Variants in GNB4 observed in about 807,000 individuals in gnomAD.
GNB4 encodes guanine nucleotide-binding protein subunit beta-4.
A neutral mutation model predicts 45.2 loss-of-function variants in GNB4; 28 were observed. The observed-to-expected ratio is 0.62, with a 90% CI of 0.46 to 0.85. GNB4 has a LOEUF of 0.85. Ranked by LOEUF, GNB4 falls within the 40% of genes least tolerant of loss-of-function variation. The pLI is 0.00. For missense variants in GNB4, 321 were observed against 425.4 expected (o/e 0.75, Z 2.16); for synonymous variants, 132 against 143.7 (o/e 0.92, Z 0.58).
intron 2 of GNB4, among the ~76,000 whole-genome samples, chr3:179,421,565 T>C (rs1056510099): frequency 1.3e-5 from 2 of 152,214 alleles, no homozygotes; most frequent in African/African-American, 2.4e-5. Context: ...CTCTTCAATT[T>C]TGTTTTTTCT....
At chr3:179,419,342 C>G in intron 4 of GNB4, 57 bp downstream of exon 4, 2 of 1,067,230 alleles carry the variant, frequency 1.9e-6, no homozygotes, top group Non-Finnish European at 2.9e-6. Flanking sequence ...AATGATGGTT[C>G]TTAATGAAAA....
intron 1 of GNB4, among the ~76,000 whole-genome samples, chr3:179,427,985 C>T (rs1423320202): frequency 6.6e-6 from 1 of 152,122 alleles, no homozygotes; most frequent in East Asian, 1.9e-4. Flanking sequence ...AAATGACTGT[C>T]CTAAGTCCAA....
the GNB4 span, among the ~76,000 whole-genome samples, chr3:179,521,496 A>G: frequency 0.018 from 2,791 of 152,172 alleles, 95 homozygotes; most frequent in African/African-American, 0.064. Flanking sequence ...CTTGGACTGC[A>G]CCCCAAAAAA....
intron 2 of GNB4, among the ~76,000 whole-genome samples, chr3:179,423,964 T>C (rs1366446426): frequency 6.6e-6 from 1 of 151,900 alleles, no homozygotes; most frequent in Non-Finnish European, 1.5e-5. Flanking sequence ...CAAACTAGTA[T>C]GGCTACAGCA....
intron 1 of GNB4, among the ~76,000 whole-genome samples, chr3:179,443,195 G>A (rs972786420): frequency 6.6e-6 from 1 of 152,142 alleles, no homozygotes; most frequent in African/African-American, 2.4e-5. Flanking sequence ...AATTACCATA[G>A]TCACGGAAAA....
chr3:179,497,340 A>G, the GNB4 span, among the ~76,000 whole-genome samples: 1 of 152,178 alleles, frequency 6.6e-6, no homozygotes, highest in Non-Finnish European at 1.5e-5. Context: ...TACACCATAC[A>G]CAAAATCTAT....
At chr3:179,407,585 C>T (rs1462410352) in intron 8 of GNB4, among the ~76,000 whole-genome samples, 4 of 152,240 alleles carry the variant, frequency 2.6e-5, no homozygotes, top group Non-Finnish European at 5.9e-5. Context: ...CTGGAGCCCA[C>T]TGGCCTCCCT....
At chr3:179,508,897 T>C in the GNB4 span, among the ~76,000 whole-genome samples, 2 of 142,712 alleles carry the variant, frequency 1.4e-5, no homozygotes, top group Admixed American at 1.4e-4. Context: ...ACTATGTTAA[T>C]ATTGTTGGGA....
the GNB4 span, among the ~76,000 whole-genome samples, chr3:179,524,379 T>A: frequency 6.6e-6 from 1 of 152,250 alleles, no homozygotes; most frequent in African/African-American, 2.4e-5. Flanking sequence ...GTGGCCAGAT[T>A]TCTGGCACTT....
chr3:179,417,409 ATTT>A (rs35958397), intron 4 of GNB4, among the ~76,000 whole-genome samples: 4 of 143,354 alleles, frequency 2.8e-5, no homozygotes, highest in East Asian at 4.0e-4. Flanking sequence ...TTTTGTTTGG[ATTT>A]TTTTTTTTTT....
At chr3:179,438,676 T>C (rs553224366) in intron 1 of GNB4, among the ~76,000 whole-genome samples, 8 of 152,322 alleles carry the variant, frequency 5.3e-5, no homozygotes, top group South Asian at 2.1e-4. Context: ...TTAAGAAGCA[T>C]TGGGGCAACT....
chr3:179,428,399 C>A (rs1388500910), intron 1 of GNB4, among the ~76,000 whole-genome samples: 1 of 152,164 alleles, frequency 6.6e-6, no homozygotes, highest in Non-Finnish European at 1.5e-5. Flanking sequence ...CAGATTACAG[C>A]CGGTCTGGAA....
At chr3:179,447,300 T>C (rs892420420) in intron 1 of GNB4, among the ~76,000 whole-genome samples, 1 of 141,054 alleles carries the variant, frequency 7.1e-6, no homozygotes, top group Non-Finnish European at 1.5e-5. Flanking sequence ...CAGATGAGAC[T>C]AGAAGGGTGT....
At chr3:179,480,876 G>A in the GNB4 span, among the ~76,000 whole-genome samples, 1 of 145,354 alleles carries the variant, frequency 6.9e-6, no homozygotes, top group Non-Finnish European at 1.5e-5. Flanking sequence ...TTTTGAGACG[G>A]AGTCTTGCTC....
At chr3:179,416,913 A>G (rs1442826278) in intron 4 of GNB4, among the ~76,000 whole-genome samples, 4 of 152,226 alleles carry the variant, frequency 2.6e-5, no homozygotes, top group Non-Finnish European at 4.4e-5. Flanking sequence ...CCTAACAACC[A>G]TATTTCATCC....
At chr3:179,489,019 AATAT>A in the GNB4 span, among the ~76,000 whole-genome samples, 490 of 21,366 alleles carry the variant, frequency 0.023, 21 homozygotes, top group Middle Eastern at 0.062. Flanking sequence ...AAAAAAAAAA[AATAT>A]ATATATATAT....
intron 1 of GNB4, among the ~76,000 whole-genome samples, chr3:179,439,229 T>C (rs1198497656): frequency 6.6e-6 from 1 of 152,204 alleles, no homozygotes; most frequent in Non-Finnish European, 1.5e-5. Context: ...ATCGTGTGAT[T>C]GGAGGAAAGT....
At chr3:179,444,894 T>C (rs1449389485) in intron 1 of GNB4, among the ~76,000 whole-genome samples, 2 of 152,150 alleles carry the variant, frequency 1.3e-5, no homozygotes, top group Non-Finnish European at 1.5e-5. Flanking sequence ...CCTTACTGGG[T>C]TTTTAATTTC....
the GNB4 span, among the ~76,000 whole-genome samples, chr3:179,488,997 A>T: frequency 1.8e-4 from 5 of 27,888 alleles, no homozygotes; most frequent in East Asian, 2.7e-3. Flanking sequence ...AAAAAAAAAA[A>T]AAAAAAAAAA....
Sources: gnomAD v4.1 joint callset for allele counts (sites outside exome capture counted in the v4.1 genomes callset) on GRCh38, gnomAD v4.1.1 for gene constraint, MANE v1.5 for transcripts, NCBI Gene and HGNC (gene_info 2026-07-23, HGNC 2026-07-21) for gene names.